PLXNC1: variants seen among roughly 807,000 people sequenced by gnomAD.
PLXNC1 encodes the protein plexin-C1.
A neutral mutation model predicts 178.2 loss-of-function variants in PLXNC1; 75 were observed. That is an observed-to-expected ratio of 0.42 (90% CI 0.35 to 0.51). PLXNC1 has a LOEUF of 0.51. PLXNC1 is among the 20% of genes least tolerant of loss of function. The probability of loss-of-function intolerance (pLI) is 0.02; values close to 1 mark genes in which losing one functional copy is unlikely to be tolerated. For synonymous variants in PLXNC1, 790 were observed against 779.9 expected, an observed-to-expected ratio of 1.01 and a Z score of -0.22; for missense variants, 1,503 against 1,984.4, an observed-to-expected ratio of 0.76 and a Z score of 4.61.
chr12:94,181,388 A>AT (rs1213650501), intron 2 of PLXNC1, 58 bp from the exon 3 acceptor site: 59 of 808,588 alleles, frequency 7.3e-5, no homozygotes, highest in Non-Finnish European at 9.9e-5. Flanking sequence ...TTCCGTCTCA[A>AT]AAAAAAAAAA....
At chr12:94,223,606 T>C (rs1220524708) in intron 6 of PLXNC1, among the ~76,000 whole-genome samples, 1 of 152,258 alleles carries the variant, frequency 6.6e-6, no homozygotes, top group African/African-American at 2.4e-5. Flanking sequence ...CAGGAAATAC[T>C]ACATTTCTCT....
chr12:94,286,978 T>C (rs1219192013), intron 23 of PLXNC1, among the ~76,000 whole-genome samples: 1 of 152,186 alleles, frequency 6.6e-6, no homozygotes, highest in Non-Finnish European at 1.5e-5. Flanking sequence ...CAGGGCCCTG[T>C]CACCTACTGG....
At chr12:94,174,234 G>C (rs1961962656) in intron 2 of PLXNC1, among the ~76,000 whole-genome samples, 1 of 151,894 alleles carries the variant, frequency 6.6e-6, no homozygotes, top group African/African-American at 2.4e-5. Flanking sequence ...GCCCAGGCTG[G>C]AGTGCAGTGG....
intron 5 of PLXNC1, among the ~76,000 whole-genome samples, chr12:94,214,360 T>C (rs1053165095): frequency 6.6e-6 from 1 of 152,186 alleles, no homozygotes; most frequent in Non-Finnish European, 1.5e-5. Context: ...GTGCTGGCAT[T>C]ATAGGCATAA....
In PLXNC1 at chr12:94,254,473, G is replaced by A. The variant is rs76712715; in HGVS notation, c.2882-314G>A. The A allele has an allele frequency of 3.5e-3, 1,806 of 509,522 alleles. 26 individuals carry two copies. The highest frequency in any genetic ancestry group is 0.03 in the African/African-American group (1,589 of 52,238). 31.6% of individuals were successfully genotyped at this position (509,522 alleles called of 1,614,324 possible). A position where few individuals can be genotyped will look rare whatever the true frequency, so the allele number is the denominator to read the frequency against. The stretch of plus-strand genomic sequence containing the variant: ...GAAGAAACTTGGCTTGTTTCATTAC[G>A]TTTCAGCCAACTGGGATCTTTGGTT... On this transcript the variant is annotated intron_variant, in intron 15 of 30. Transcript: ENST00000258526.
intron 26 of PLXNC1, among the ~76,000 whole-genome samples, chr12:94,297,972 CTTT>C (rs967619234): frequency 6.6e-6 from 1 of 151,988 alleles, no homozygotes; most frequent in African/African-American, 2.4e-5. Context: ...CTGTGGTGAT[CTTT>C]TTTTTCCTCC....
Position 94,232,480 on chromosome 12 carries a change from TTTC to T in PLXNC1, c.1981-5183_1981-5181del, listed in dbSNP as rs1476652758. On this transcript the variant is annotated intron_variant, in intron 9 of 30. Coordinates refer to ENST00000258526, the MANE Select transcript of PLXNC1 (RefSeq NM_005761.3). ...CCTTGCCTTCAAGAGTGAAATTAAATTTCACATATACCTTGCTGAGTAGCTTCT... is the reference window on the plus strand; with the variant it reads ...CCTTGCCTTCAAGAGTGAAATTAAATACATATACCTTGCTGAGTAGCTTCT... Among the ~76,000 whole-genome samples the T allele has an allele frequency of 1.6e-4, 25 of 152,308 alleles. No homozygotes were observed. In the South Asian group the frequency reaches 3.1e-3, roughly 19 times the overall value.
rs375812056 is a variant in PLXNC1 at position 94,298,811 on chromosome 12, A to G, written c.4238+16A>G. ...AAACAAACAGGTGGGAATGTAGGTGATTAGTGACTGTTTTCAAGAATCTGG... is the reference window on the plus strand; with the variant it reads ...AAACAAACAGGTGGGAATGTAGGTGGTTAGTGACTGTTTTCAAGAATCTGG... On this transcript the variant is annotated intron_variant, in intron 27 of 30. Transcript: ENST00000258526. 3.2e-5 allele frequency: 51 copies of G among 1,601,420 alleles called. No individual in the cohort carries two copies. The African/African-American group carries it at 6.3e-4, about 20-fold the overall frequency.
chr12:94,265,249 G>A, intron 21 of PLXNC1, 24 bp downstream of exon 21: 1 of 1,575,718 alleles, frequency 6.3e-7, no homozygotes, highest in Non-Finnish European at 8.7e-7. Flanking sequence ...AAAGCTCCCA[G>A]CCAGACTCCC....
chr12:94,153,552 G>A (rs1961039877), intron 1 of PLXNC1, among the ~76,000 whole-genome samples: 3 of 152,222 alleles, frequency 2.0e-5, no homozygotes, highest in Admixed American at 2.0e-4. Context: ...CACAGAAAGT[G>A]TTTGTGTTCG....
chr12:94,199,183 C>T (rs763621058), intron 4 of PLXNC1, among the ~76,000 whole-genome samples: 2 of 152,192 alleles, frequency 1.3e-5, no homozygotes, highest in African/African-American at 4.8e-5. Flanking sequence ...TGGGGCTATC[C>T]GCCTTCATGG....
intron 6 of PLXNC1, among the ~76,000 whole-genome samples, chr12:94,222,209 C>T (rs11107458): frequency 0.33 from 50,835 of 152,094 alleles, 10,178 homozygotes; most frequent in East Asian, 0.56. Context: ...TTGAGATCAC[C>T]TTGTAAAGCT....
intron 23 of PLXNC1, among the ~76,000 whole-genome samples, chr12:94,286,619 A>C (rs1340866201): frequency 2.1e-5 from 1 of 47,624 alleles, no homozygotes; most frequent in Non-Finnish European, 5.0e-5. Flanking sequence ...TTAAAAGCAA[A>C]AAAAAAAAAA....
At chr12:94,227,035 GT>G in intron 8 of PLXNC1, 113 bp from the exon 9 acceptor site, 2 of 781,494 alleles carry the variant, frequency 2.6e-6, no homozygotes, top group Non-Finnish European at 2.2e-6. Flanking sequence ...AAAAAAAAAG[GT>G]TTAACCAAAA....
Position 94,149,810 on chromosome 12 carries a change from C to T in PLXNC1, c.839C>T (p.Ser280Phe), listed in dbSNP as rs1960879843. The T allele has an allele frequency of 6.2e-7, 1 of 1,603,466 alleles. No individual in the cohort carries two copies. Among genetic ancestry groups the T allele is most frequent in the Non-Finnish European group, 8.5e-7 (1 of 1,176,574 alleles). Residue 280 changes from serine (S) to phenylalanine (F), a missense_variant, in exon 1 of 31, where the codon TCC (serine) becomes TTC (phenylalanine). Physicochemically the swap from Ser to Phe is radical, Grantham distance 155. Transcript: ENST00000258526. Reference protein sequence around the residue: ...STEVLFQGQASLDCGHGHPDG... With the variant: ...STEVLFQGQAFLDCGHGHPDG... ...GAGGTGCTGTTCCAGGGCCAGGCATCCCTCGACTGCGGCCACGGCCACCCC... is the reference window on the plus strand; with the variant it reads ...GAGGTGCTGTTCCAGGGCCAGGCATTCCTCGACTGCGGCCACGGCCACCCC...
chr12:94,165,753 T>C (rs1218668421), intron 1 of PLXNC1, among the ~76,000 whole-genome samples: 1 of 152,082 alleles, frequency 6.6e-6, no homozygotes, highest in Non-Finnish European at 1.5e-5. Flanking sequence ...TCCAGGAACA[T>C]AGAATCTCTT....
At chr12:94,293,887 T>C (rs548425912) in intron 23 of PLXNC1, among the ~76,000 whole-genome samples, 60 of 152,218 alleles carry the variant, frequency 3.9e-4, no homozygotes, top group African/African-American at 1.3e-3. Flanking sequence ...CCCAAAGTGC[T>C]GGGATCGCAG....
Position 94,213,536 on chromosome 12 carries a change from T to C in PLXNC1, c.1554+3832T>C, listed in dbSNP as rs1963555441. On this transcript the variant is annotated intron_variant, in intron 5 of 30. Transcript: ENST00000258526. ...CTTGTAAATGTGTTTGAGTTCTTTG[T>C]AGATTCTGGATATTAGCCCTTTGTC... Among the ~76,000 whole-genome samples the C allele has an allele frequency of 3.3e-5, 5 of 152,392 alleles. No individual in the cohort carries two copies. The South Asian group carries it at 8.3e-4, about 25-fold the overall frequency.
intron 1 of PLXNC1, among the ~76,000 whole-genome samples, chr12:94,163,251 C>T (rs1025783127): frequency 2.6e-5 from 4 of 151,996 alleles, no homozygotes; most frequent in South Asian, 2.1e-4. Flanking sequence ...GTAGCTACTC[C>T]GGAGGCTGAG....
Sources: allele counts gnomAD v4.1 joint callset (sites outside exome capture counted in the v4.1 genomes callset), GRCh38; gene constraint gnomAD v4.1.1; transcripts MANE v1.5; gene names NCBI Gene and HGNC (gene_info 2026-07-23, HGNC 2026-07-21).